The following MTCL1 variants were observed in gnomAD, a reference collection of about 807,000 sequenced individuals.
The protein encoded by MTCL1 is microtubule crosslinking factor 1, also known as microtubule cross-linking factor 1.
In MTCL1, 79 loss-of-function variants were observed where a neutral mutation model predicts 141.4. The observed-to-expected ratio is 0.56, with a 90% CI of 0.47 to 0.67. The LOEUF (loss-of-function observed/expected upper bound fraction) is 0.67, where lower values mean the gene tolerates loss of function less well. Among genes scored for constraint, MTCL1 ranks in the 30% least tolerant of loss-of-function variants. The pLI is 0.00. For missense variants in MTCL1, 2,177 were observed against 2,113.9 expected, an observed-to-expected ratio of 1.03 and a Z score of -0.59; for synonymous variants, 914 against 875.8, an observed-to-expected ratio of 1.04 and a Z score of -0.77.
intron 4 of MTCL1, among the ~76,000 whole-genome samples, chr18:8,766,073 T>A (rs2149027201): frequency 6.6e-6 from 1 of 152,332 alleles, no homozygotes; most frequent in South Asian, 2.1e-4. Flanking sequence ...CAGATAAAGA[T>A]CCAACAACAT....
At chr18:8,706,569 G>C in exon 1 of MTCL1, 1 of 1,452,858 alleles carries the variant, frequency 6.9e-7, no homozygotes, top group Non-Finnish European at 9.1e-7. Context: ...AGGATGTCCG[G>C]GGGCGCTCGC....
At chr18:8,814,361 A>G (rs186926921) in intron 12 of MTCL1, among the ~76,000 whole-genome samples, 1 of 152,258 alleles carries the variant, frequency 6.6e-6, no homozygotes, top group African/African-American at 2.4e-5. Context: ...AAAAGAAGGA[A>G]AGTACACTGC....
chr18:8,817,648 A>G (rs1355837733), intron 12 of MTCL1, among the ~76,000 whole-genome samples: 5 of 152,246 alleles, frequency 3.3e-5, no homozygotes, highest in African/African-American at 1.2e-4. Flanking sequence ...GCTTAAAAAA[A>G]AATGAATTGA....
intron 4 of MTCL1, among the ~76,000 whole-genome samples, chr18:8,756,567 A>C (rs1484468762): frequency 1.3e-5 from 2 of 152,018 alleles, no homozygotes; most frequent in Non-Finnish European, 2.9e-5. Flanking sequence ...ATATATCTCA[A>C]AGGCAAGAGA....
chr18:8,745,321 T>C (rs1395757991), intron 4 of MTCL1, among the ~76,000 whole-genome samples: 1 of 152,216 alleles, frequency 6.6e-6, no homozygotes, highest in Non-Finnish European at 1.5e-5. Flanking sequence ...TTGCCAACAA[T>C]GTGTGTACCC....
At chr18:8,825,887 C>T (rs1568114072) in exon 15 of MTCL1, 1 of 1,613,690 alleles carries the variant, frequency 6.2e-7, no homozygotes, top group Admixed American at 1.7e-5. Context: ...TGCAGGACCC[C>T]TTCCAGAAGG....
chr18:8,790,889 C>G (rs2075698795), intron 7 of MTCL1, among the ~76,000 whole-genome samples: 1 of 152,168 alleles, frequency 6.6e-6, no homozygotes. Flanking sequence ...ATGGTGGGTA[C>G]CTATAATCCC....
upstream of MTCL1, chr18:8,705,628 C>G (rs1567913464): frequency 4.4e-5 from 54 of 1,216,478 alleles, no homozygotes; most frequent in Non-Finnish European, 5.3e-5. This position sits in a 1 kb window ranked among gnomAD's most constrained non-coding sequence, Gnocchi z 5.2. Flanking sequence ...TCCGGAGCAT[C>G]TGCTGCCTGA....
At chr18:8,829,397 T>TGG in intron 16 of MTCL1, 5 of 985,210 alleles carry the variant, frequency 5.1e-6, no homozygotes, top group Non-Finnish European at 6.0e-6. Flanking sequence ...GACCCTAATG[T>TGG]GATAAGGCTT....
At chr18:8,718,993 G>A (rs1339238376) in intron 3 of MTCL1, among the ~76,000 whole-genome samples, 1 of 151,342 alleles carries the variant, frequency 6.6e-6, no homozygotes, top group Non-Finnish European at 1.5e-5. Flanking sequence ...TGTAGTCAAA[G>A]GCCACTCTTA....
At position 8,813,193 on chromosome 18, in the gene MTCL1, G is replaced by A. The variant is rs753324141; in HGVS notation, c.2819G>A (p.Trp940Ter). 12 of 1,612,484 alleles carry A rather than the reference G, an allele frequency of 7.4e-6. No individual in the cohort carries two copies. The highest frequency in any genetic ancestry group is 9.3e-6 in the Non-Finnish European group (11 of 1,179,330). Reference sequence around the variant, plus strand: ...CGCCTGGACAGAGATCGGCAGGAGTGGGAGCGGCAGAAGAAGGAATTCTTG... The same window carrying A: ...CGCCTGGACAGAGATCGGCAGGAGTAGGAGCGGCAGAAGAAGGAATTCTTG... The change falls in exon 12 of 17, where the codon TGG (tryptophan) becomes TAG (stop). Residue 940 changes from tryptophan to a stop codon, truncating the protein, a stop_gained. Coordinates refer to ENST00000359865, the Ensembl canonical transcript of MTCL1. LOFTEE classifies it high-confidence loss of function.
exon 3 of MTCL1, chr18:8,718,475 T>G (rs753647963): frequency 6.2e-7 from 1 of 1,614,156 alleles, no homozygotes; most frequent in Non-Finnish European, 8.5e-7. Context: ...AGACAGTTAT[T>G]TAGAGGAAGA....
chr18:8,793,908 G>A (rs1052710452), intron 8 of MTCL1, among the ~76,000 whole-genome samples: 2 of 152,250 alleles, frequency 1.3e-5, no homozygotes, highest in Non-Finnish European at 2.9e-5. Context: ...GGCAAGGAAT[G>A]TGTGCTACAC....
chr18:8,800,377 C>T (rs886428650), intron 10 of MTCL1: 1 of 152,226 alleles, frequency 6.6e-6, no homozygotes, highest in Admixed American at 6.5e-5. Context: ...TGCTTTGTGA[C>T]ATATGGAACG....
exon 12 of MTCL1, chr18:8,813,096 G>C: frequency 6.2e-7 from 1 of 1,614,218 alleles, no homozygotes; most frequent in South Asian, 1.1e-5. Flanking sequence ...TCACAGCCTG[G>C]TCATGGACCT....
At chr18:8,775,592 G>C (rs1045045658) in intron 4 of MTCL1, among the ~76,000 whole-genome samples, 4 of 148,988 alleles carry the variant, frequency 2.7e-5, no homozygotes, top group Admixed American at 6.6e-5. Context: ...CAAAACAAAA[G>C]AAACTTCTTA....
In MTCL1 at chr18:8,819,378, A is replaced by G. The variant is rs1209074392; in HGVS notation, c.3156+119A>G. On this transcript the variant is annotated intron_variant, in intron 13 of 16. Coordinates refer to ENST00000359865, the Ensembl canonical transcript of MTCL1. ...GGCTCTAGCACTTTTGCATACAGCA[A>G]CCTCCGAATTGAGTAAAAATGAAAT... The G allele has an allele frequency of 6.1e-6, 6 of 987,036 alleles. No individual in the cohort carries two copies. In the Admixed American group the frequency reaches 1.1e-4, roughly 18 times the overall value. The allele number at this position is 987,036 out of a possible 1,614,324, so 61.1% of individuals were successfully genotyped here.
upstream of MTCL1, among the ~76,000 whole-genome samples, chr18:8,714,999 T>C (rs974881663): frequency 1.1e-4 from 16 of 152,092 alleles, no homozygotes; most frequent in African/African-American, 3.4e-4. Context: ...GGTTTCACTG[T>C]GTTAGCCAGG....
At chr18:8,777,486 C>T (rs534924976) in intron 4 of MTCL1, among the ~76,000 whole-genome samples, 2 of 152,362 alleles carry the variant, frequency 1.3e-5, no homozygotes, top group Admixed American at 6.5e-5. Flanking sequence ...GTTTCCCAAA[C>T]TTCCTGCCTT....
Sources: allele counts gnomAD v4.1 joint callset (sites outside exome capture counted in the v4.1 genomes callset), GRCh38; gene constraint gnomAD v4.1.1; non-coding constraint Gnocchi (gnomAD v3.1); transcripts MANE v1.5; gene names NCBI Gene and HGNC (gene_info 2026-07-23, HGNC 2026-07-21).